The following SYT1 variants were observed in gnomAD, a reference collection of about 807,000 sequenced individuals.
SYT1 encodes the protein synaptotagmin-1.
A neutral mutation model predicts 44.8 loss-of-function variants in SYT1; 8 were observed. The observed-to-expected ratio is 0.18, with a 90% confidence interval of 0.10 to 0.32. The LOEUF is 0.32. Ranked by LOEUF, SYT1 falls within the 10% of genes least tolerant of loss-of-function variation. The probability of loss-of-function intolerance (pLI) is 1.00; values close to 1 mark genes in which losing one functional copy is unlikely to be tolerated. For missense variants in SYT1, 286 were observed against 509.3 expected (o/e 0.56, Z 4.22); for synonymous variants, 154 against 188.8 (o/e 0.82, Z 1.51).
chr12:79,089,944 G>T (rs1877654693), intron 3 of SYT1, among the ~76,000 whole-genome samples: 1 of 152,002 alleles, frequency 6.6e-6, no homozygotes, highest in African/African-American at 2.4e-5. Flanking sequence ...GGCATTGATT[G>T]CTCCCCATGT....
At chr12:78,910,590 T>C (rs1876259560) in intron 1 of SYT1, among the ~76,000 whole-genome samples, 1 of 152,014 alleles carries the variant, frequency 6.6e-6, no homozygotes, top group South Asian at 2.1e-4. Context: ...TTGTTGAATT[T>C]TGCATGCAAC....
intron 3 of SYT1, among the ~76,000 whole-genome samples, chr12:79,094,699 C>CT (rs752882717): frequency 8.6e-5 from 13 of 151,692 alleles, no homozygotes; most frequent in Non-Finnish European, 1.8e-4. Context: ...TTTTAAATAG[C>CT]TTTTTTTCCC....
intron 3 of SYT1, among the ~76,000 whole-genome samples, chr12:79,060,598 A>AT: frequency 6.6e-6 from 1 of 152,060 alleles, no homozygotes; most frequent in Non-Finnish European, 1.5e-5. Context: ...TAACTAGGTT[A>AT]TTTTGTATAT....
At chr12:79,043,593 G>A (rs1416080842) in intron 2 of SYT1, among the ~76,000 whole-genome samples, 2 of 151,336 alleles carry the variant, frequency 1.3e-5, no homozygotes, top group Non-Finnish European at 2.9e-5. Flanking sequence ...ATGCCAGTCT[G>A]TGTCTTTTAA....
At chr12:78,959,531 C>A (rs1879392073) in intron 1 of SYT1, among the ~76,000 whole-genome samples, 1 of 152,084 alleles carries the variant, frequency 6.6e-6, no homozygotes, top group Admixed American at 6.6e-5. Context: ...TATGAATTGG[C>A]ACTGCTACCT....
At chr12:79,259,498 C>G (rs1877713219) in intron 4 of SYT1, among the ~76,000 whole-genome samples, 1 of 152,158 alleles carries the variant, frequency 6.6e-6, no homozygotes, top group African/African-American at 2.4e-5. Context: ...CTTTAGGAAG[C>G]AAAGACTGGA....
intron 3 of SYT1, among the ~76,000 whole-genome samples, chr12:79,204,819 TG>T (rs35872817): frequency 0.068 from 7,386 of 108,748 alleles, 3,215 homozygotes; most frequent in Non-Finnish European, 0.075. Context: ...AGTCTCTCTT[TG>T]TCGCCCAGGC....
At chr12:78,982,257 TCCTG>T (rs1157470573) in intron 2 of SYT1, among the ~76,000 whole-genome samples, 1 of 152,106 alleles carries the variant, frequency 6.6e-6, no homozygotes, top group Non-Finnish European at 1.5e-5. Context: ...TAGAAAGGCA[TCCTG>T]GAAAAATGGC....
intron 3 of SYT1, among the ~76,000 whole-genome samples, chr12:79,215,996 A>G (rs1156545751): frequency 2.4e-5 from 3 of 123,160 alleles, no homozygotes; most frequent in South Asian, 2.5e-4. Flanking sequence ...CAGTAGCACA[A>G]TCTTGGCTCA....
intron 9 of SYT1, among the ~76,000 whole-genome samples, chr12:79,439,221 G>A (rs1870263302): frequency 6.6e-6 from 1 of 152,160 alleles, no homozygotes; most frequent in South Asian, 2.1e-4. Flanking sequence ...TACAGCCTCA[G>A]TAATAAGATT....
chr12:79,436,802 ACAGT>A (rs999045177), intron 9 of SYT1, among the ~76,000 whole-genome samples: 1 of 152,224 alleles, frequency 6.6e-6, no homozygotes, highest in Admixed American at 6.5e-5. Context: ...CTCGAAGCCA[ACAGT>A]TCTGAATTCA....
rs535200163 is a variant in SYT1 at position 79,149,799 on chromosome 12, G to A, written c.-17-67704G>A. On this transcript the variant is annotated intron_variant, in intron 3 of 10. Coordinates refer to ENST00000261205, the MANE Select transcript of SYT1 (RefSeq NM_005639.3). ...GATCCACATTCTACATGGCAATTAC[G>A]TTTTTCAAATCTGTATTCATAATAG... Among the ~76,000 whole-genome samples the A allele has an allele frequency of 1.1e-4, 16 of 152,174 alleles. No homozygotes were observed. In the South Asian group the frequency reaches 2.3e-3, roughly 22 times the overall value.
chr12:78,954,952 C>A (rs945030628), intron 1 of SYT1, among the ~76,000 whole-genome samples: 28 of 152,158 alleles, frequency 1.8e-4, no homozygotes, highest in African/African-American at 6.0e-4. Flanking sequence ...TTAATGATAA[C>A]AACAGTTTTC....
rs1881396147 is a variant in SYT1, at chr12:79,322,233, C to A, written c.810+22682C>A. Among the ~76,000 whole-genome samples, 5 of 152,142 alleles carry A rather than the reference C, an allele frequency of 3.3e-5. No individual in the cohort carries two copies. In the South Asian group the frequency reaches 1.0e-3, roughly 31 times the overall value. ...AATTTCATATATAGTAAGCTAAAAT[C>A]TCCTAAAGAGTTTAACGCATAACTT... On this transcript the variant is annotated intron_variant, in intron 8 of 10. Transcript: ENST00000261205.
intron 4 of SYT1, among the ~76,000 whole-genome samples, 165 bp downstream of exon 4, chr12:79,217,850 A>G (rs1874910343): frequency 6.6e-6 from 1 of 152,118 alleles, no homozygotes; most frequent in Non-Finnish European, 1.5e-5. Flanking sequence ...TTGGAAATGG[A>G]ATATTCTTCT....
chr12:79,359,917 C>T (rs1052326280), intron 9 of SYT1, among the ~76,000 whole-genome samples: 7 of 152,026 alleles, frequency 4.6e-5, no homozygotes, highest in African/African-American at 4.8e-5. Flanking sequence ...TTCCCTCAGG[C>T]GATATTTATC....
At chr12:79,394,177 A>C (rs1277340287) in intron 9 of SYT1, among the ~76,000 whole-genome samples, 1 of 152,246 alleles carries the variant, frequency 6.6e-6, no homozygotes, top group Non-Finnish European at 1.5e-5. Context: ...ACAAATACAT[A>C]AACTCTTCAC....
chr12:79,233,356 C>G (rs1315190245), intron 4 of SYT1, among the ~76,000 whole-genome samples: 2 of 152,194 alleles, frequency 1.3e-5, no homozygotes. Context: ...TGAGACAGTT[C>G]AAAAGAAACC....
In SYT1 at chr12:79,450,408, A is replaced by ATTT. The variant is rs1870989556; in HGVS notation, c.*1284_*1285insTTT. The ATTT allele has an allele frequency of 6.6e-6, 1 of 152,650 alleles. No individual in the cohort carries two copies. The highest frequency in any genetic ancestry group is 6.5e-5 in the Admixed American group (1 of 15,276). The allele number at this position is 152,650 out of a possible 1,614,324, so 9.5% of individuals were successfully genotyped here. On this transcript the variant is annotated 3_prime_UTR_variant, in exon 11 of 11. Transcript: ENST00000261205. Reference sequence around the variant, plus strand: ...AAGTTTTAATTTGTCCTTTAAAAAAAGGTGAAACAAACCAAGAACAAGTTC... The same window carrying ATTT: ...AAGTTTTAATTTGTCCTTTAAAAAAATTTGGTGAAACAAACCAAGAACAAGTTC...
Sources: gnomAD v4.1 joint callset for allele counts (sites outside exome capture counted in the v4.1 genomes callset) on GRCh38, gnomAD v4.1.1 for gene constraint, MANE v1.5 for transcripts, NCBI Gene and HGNC (gene_info 2026-07-23, HGNC 2026-07-21) for gene names.